The following PGM5 variants were observed in gnomAD, a reference collection of about 807,000 sequenced individuals.
PGM5 encodes phosphoglucomutase 5.
Under a neutral mutation model 59.2 loss-of-function variants are expected in PGM5, and 23 were observed. The ratio of observed to expected loss-of-function variants is 0.39; its 90% CI spans 0.28 to 0.55. The LOEUF (loss-of-function observed/expected upper bound fraction) is 0.55. Ranked by LOEUF, PGM5 falls within the 20% of genes least tolerant of loss-of-function variation. The pLI is 0.66. For synonymous variants in PGM5, 214 were observed against 286.0 expected (o/e 0.75, Z 2.54); for missense variants, 574 against 748.3 (o/e 0.77, Z 2.72).
intron 6 of PGM5, among the ~76,000 whole-genome samples, chr9:68,399,565 GC>G (rs1414909768): frequency 2.7e-5 from 4 of 150,496 alleles, no homozygotes; most frequent in Non-Finnish European, 5.9e-5. Context: ...ATGAGCTTAA[GC>G]ATCTCTTCAT....
chr9:68,526,651 C>T (rs1824979905), intron 10 of PGM5, among the ~76,000 whole-genome samples: 1 of 152,184 alleles, frequency 6.6e-6, no homozygotes, highest in African/African-American at 2.4e-5. Context: ...TCTATAATAT[C>T]TGTCTTTGAT....
chr9:68,455,491 C>T (rs868935944), intron 6 of PGM5, among the ~76,000 whole-genome samples: 20 of 147,538 alleles, frequency 1.4e-4, no homozygotes, highest in Admixed American at 6.0e-4. Context: ...AAAGTATAAG[C>T]ATCATCTCTT....
rs1554681724 is a variant in PGM5 at position 68,412,942 on chromosome 9, G to A, written c.1043+20469G>A. On this transcript the variant is annotated intron_variant, in intron 6 of 10. Coordinates refer to ENST00000396396, the MANE Select transcript of PGM5 (RefSeq NM_021965.4). ...TTGAGGATGCTGATGTGTTCTTTGG[G>A]AAGAGATTCACAGTTGACAGGAAAC... Among the ~76,000 whole-genome samples, 4 of 152,138 alleles carry A rather than the reference G, an allele frequency of 2.6e-5. No individual in the cohort carries two copies. The South Asian group carries it at 8.3e-4, about 32-fold the overall frequency.
intron 1 of PGM5, among the ~76,000 whole-genome samples, chr9:68,359,869 G>A (rs1419512358): frequency 6.6e-6 from 1 of 151,904 alleles, no homozygotes; most frequent in Non-Finnish European, 1.5e-5. Flanking sequence ...TTTGAGACTG[G>A]GTCTCACTTT....
At chr9:68,368,809 A>C (rs1834728933) in intron 1 of PGM5, among the ~76,000 whole-genome samples, 1 of 151,964 alleles carries the variant, frequency 6.6e-6, no homozygotes, top group Admixed American at 6.6e-5. Context: ...TGGCCAGCTA[A>C]TTTTTCTTAT....
At chr9:68,491,628 T>C (rs1824392005) in intron 9 of PGM5, among the ~76,000 whole-genome samples, 1 of 152,228 alleles carries the variant, frequency 6.6e-6, no homozygotes, top group South Asian at 2.1e-4. Context: ...ACTAGCCACT[T>C]TTCCTGTGAT....
intron 6 of PGM5, among the ~76,000 whole-genome samples, chr9:68,402,162 G>T (rs1453537835): frequency 1.3e-5 from 2 of 152,234 alleles, no homozygotes; most frequent in African/African-American, 4.8e-5. Flanking sequence ...TACTTGGGAG[G>T]CTGAGGCATG....
At chr9:68,507,352 T>C (rs1824674557) in intron 10 of PGM5, among the ~76,000 whole-genome samples, 1 of 152,180 alleles carries the variant, frequency 6.6e-6, no homozygotes, top group East Asian at 1.9e-4. Context: ...CTAATGAATA[T>C]GTAATTTGAG....
intron 2 of PGM5, among the ~76,000 whole-genome samples, chr9:68,380,439 G>T (rs433757): frequency 6.6e-6 from 1 of 151,576 alleles, no homozygotes; most frequent in African/African-American, 2.4e-5. Flanking sequence ...TACAGTATGC[G>T]GCAAAGTCAG....
rs538958542 is a variant in PGM5, at chr9:68,387,047, C to T, written c.572-416C>T. 3.5e-3 allele frequency among the ~76,000 whole-genome samples: 530 copies of T among 151,934 alleles called. 4 individuals carry two copies. Among genetic ancestry groups the T allele is most frequent in the African/African-American group, 0.013 (521 of 41,432 alleles). On this transcript the variant is annotated intron_variant, in intron 3 of 10. Transcript: ENST00000396396. ...CACTTGCTGATTTGTTTCATACCAG[C>T]TGAGTCAGTCTTTGGCCAGCCCCCA...
chr9:68,406,797 T>C (rs1822829651), intron 6 of PGM5, among the ~76,000 whole-genome samples: 1 of 146,734 alleles, frequency 6.8e-6, no homozygotes, highest in African/African-American at 2.5e-5. Context: ...GTCATGGCGA[T>C]GGGGCTTTAT....
At chr9:68,375,009 T>G (rs1478646737) in intron 1 of PGM5, among the ~76,000 whole-genome samples, 4 of 151,038 alleles carry the variant, frequency 2.6e-5, no homozygotes, top group South Asian at 2.1e-4. Context: ...TCATATGAAG[T>G]CTTGGTGGGG....
intron 9 of PGM5, among the ~76,000 whole-genome samples, chr9:68,485,144 T>TCAG (rs1228659609): frequency 6.6e-6 from 1 of 152,204 alleles, no homozygotes; most frequent in Admixed American, 6.5e-5. Flanking sequence ...TTCCTCTACC[T>TCAG]TATATCTTCC....
chr9:68,433,435 T>A (rs782143462), intron 6 of PGM5, among the ~76,000 whole-genome samples: 2 of 152,176 alleles, frequency 1.3e-5, no homozygotes, highest in Non-Finnish European at 2.9e-5. Flanking sequence ...GCGGAGCTAA[T>A]TTTTTTTCTG....
intron 6 of PGM5, chr9:68,406,008 C>A (rs1164902613): frequency 2.0e-5 from 3 of 152,130 alleles, no homozygotes; most frequent in African/African-American, 7.2e-5. Flanking sequence ...GATTCTACTA[C>A]CTATATTTTG....
chr9:68,426,093 T>C (rs1407348429), intron 6 of PGM5, among the ~76,000 whole-genome samples: 3 of 152,156 alleles, frequency 2.0e-5, no homozygotes, highest in Admixed American at 2.0e-4. Context: ...ATTATGTCCA[T>C]GATTAAAAAC....
intron 6 of PGM5, among the ~76,000 whole-genome samples, chr9:68,446,792 G>C (rs1214068629): frequency 6.6e-6 from 1 of 152,204 alleles, no homozygotes; most frequent in African/African-American, 2.4e-5. Flanking sequence ...AACTCATCAA[G>C]TGTGTGTTCT....
At position 68,465,107 on chromosome 9, in the gene PGM5, T is replaced by G; in HGVS notation, c.1058T>G (p.Met353Arg). 1 of 1,605,030 alleles carries G rather than the reference T, an allele frequency of 6.2e-7. No homozygotes were observed. The highest frequency in any genetic ancestry group is 1.3e-5 in the African/African-American group (1 of 74,738). ...SMALDRVAKS[M>R]KVPVYETPAG... ...TCATTTTTCAGAGTGGCCAAATCAA[T>G]GAAGGTCCCTGTATATGAGACCCCA... Residue 353 changes from methionine (M) to arginine (R), a missense_variant, in exon 7 of 11, where the codon ATG (methionine) becomes AGG (arginine). This residue lies in a region of PGM5 where 300 missense variants were observed against 280.0 expected (regional missense o/e 1.07). Coordinates refer to ENST00000396396, the MANE Select transcript of PGM5 (RefSeq NM_021965.4).
At position 68,460,976 on chromosome 9, in the gene PGM5, C is replaced by T. The variant is rs116359358; in HGVS notation, c.1044-4117C>T. Among the ~76,000 whole-genome samples the T allele has an allele frequency of 8.0e-3, 1,215 of 152,240 alleles. 13 individuals are homozygous for T. The highest frequency in any genetic ancestry group is 0.028 in the African/African-American group (1,173 of 41,552). ...GGAAGCTCCGCAGCAGGAAGGGTCACGTTGGATTGATTTCAGTGATGAGGA... is the reference window on the plus strand; with the variant it reads ...GGAAGCTCCGCAGCAGGAAGGGTCATGTTGGATTGATTTCAGTGATGAGGA... On this transcript the variant is annotated intron_variant, in intron 6 of 10. Coordinates refer to ENST00000396396, the MANE Select transcript of PGM5 (RefSeq NM_021965.4).
Sources: gnomAD v4.1 joint callset for allele counts (sites outside exome capture counted in the v4.1 genomes callset) on GRCh38, gnomAD v4.1.1 for gene constraint, gnomAD v4.1.1 regional missense constraint, MANE v1.5 for transcripts, NCBI Gene and HGNC (gene_info 2026-07-23, HGNC 2026-07-21) for gene names.